The following MRPS31 variants were observed in gnomAD, a reference collection of about 807,000 sequenced individuals.
MRPS31 encodes the protein small ribosomal subunit protein mS31.
In MRPS31, 32 loss-of-function variants were observed where a neutral mutation model predicts 43.1. That is an observed-to-expected ratio of 0.74 (90% CI 0.56 to 1.00). The LOEUF (loss-of-function observed/expected upper bound fraction) is 1.00. MRPS31 is among the 50% of genes least tolerant of loss of function. The pLI, the probability that MRPS31 is intolerant of heterozygous loss-of-function variation, is 0.00. For missense variants in MRPS31, 437 were observed against 466.7 expected (o/e 0.94, Z 0.59); for synonymous variants, 165 against 161.6 (o/e 1.02, Z -0.16).
intron 1 of MRPS31, among the ~76,000 whole-genome samples, chr13:40,767,275 A>G (rs1365501998): frequency 6.6e-6 from 1 of 151,938 alleles, no homozygotes; most frequent in Non-Finnish European, 1.5e-5. Flanking sequence ...CTCCTGCCTC[A>G]ACCTCCCGAG....
chr13:40,739,594 T>C lies in MRPS31; in HGVS notation c.958+9544A>G, dbSNP rs531153058. On this transcript the variant is annotated intron_variant, in intron 6 of 6. Transcript: ENST00000323563. ...TGGTACTGGTACCAAAACAGAGACA[T>C]AGATCAATGGAACAGAACAGAGCCC... Among the ~76,000 whole-genome samples, 201 of 152,112 alleles carry C rather than the reference T, an allele frequency of 1.3e-3. 1 individual carries two copies. The highest frequency in any genetic ancestry group is 4.6e-3 in the African/African-American group (189 of 41,484).
At chr13:40,770,411 G>A (rs1320095723) in intron 1 of MRPS31, among the ~76,000 whole-genome samples, 2 of 152,096 alleles carry the variant, frequency 1.3e-5, no homozygotes, top group African/African-American at 4.8e-5. Context: ...TTCAGATTTC[G>A]TCAGACTTTT....
chr13:40,767,071 A>G, intron 1 of MRPS31, 38 bp from the exon 2 acceptor site: 1 of 1,521,572 alleles, frequency 6.6e-7, no homozygotes, highest in East Asian at 2.3e-5. Context: ...GAAAAATACA[A>G]TGCAGTCTAC....
At chr13:40,751,982 C>A (rs548279458) in intron 5 of MRPS31, among the ~76,000 whole-genome samples, 1 of 151,562 alleles carries the variant, frequency 6.6e-6, no homozygotes, top group East Asian at 1.9e-4. Flanking sequence ...TCTTCAAGTG[C>A]CTCTTTTGGC....
chr13:40,749,354 T>C, intron 5 of MRPS31, 73 bp from the exon 6 acceptor site: 1 of 1,225,214 alleles, frequency 8.2e-7, no homozygotes, highest in Non-Finnish European at 1.1e-6. Flanking sequence ...CAACCAATCC[T>C]GAATTGACCA....
chr13:40,758,886 C>A, intron 3 of MRPS31, 62 bp downstream of exon 3: 1 of 1,415,142 alleles, frequency 7.1e-7, no homozygotes, highest in Non-Finnish European at 9.3e-7. Context: ...ACTCACTAGC[C>A]ATATGAAAAT....
chr13:40,768,922 G>T (rs570737439), intron 1 of MRPS31, among the ~76,000 whole-genome samples: 1 of 152,278 alleles, frequency 6.6e-6, no homozygotes, highest in East Asian at 1.9e-4. Context: ...GTTGCCCACA[G>T]AAGTTAAAGT....
intron 1 of MRPS31, among the ~76,000 whole-genome samples, chr13:40,769,134 T>C (rs943928604): frequency 1.3e-5 from 2 of 151,540 alleles, no homozygotes; most frequent in Admixed American, 6.6e-5. Flanking sequence ...TTCCAGCAGT[T>C]TGGGAGGCGG....
In MRPS31 at chr13:40,759,120, T is replaced by C; in HGVS notation, c.441-14A>G. The stretch of plus-strand genomic sequence containing the variant: ...AGGGGCTCAATTCTGAAAAAGAAAA[T>C]GAAAAACAAATGAGAAAGAAAAAAA... On this transcript the variant is annotated splice_polypyrimidine_tract_variant and intron_variant, in intron 2 of 6. Coordinates refer to ENST00000323563, the MANE Select transcript of MRPS31 (RefSeq NM_005830.4). The C allele has an allele frequency of 1.3e-6, 2 of 1,551,570 alleles. No individual in the cohort carries two copies. The highest frequency in any genetic ancestry group is 1.2e-5 in the South Asian group (1 of 81,572).
intron 2 of MRPS31, among the ~76,000 whole-genome samples, chr13:40,759,995 C>A (rs1880646190): frequency 1.3e-5 from 2 of 151,920 alleles, no homozygotes; most frequent in South Asian, 4.2e-4. Flanking sequence ...ATTAGCCAGG[C>A]ATGGCAGCAC....
intron 2 of MRPS31, among the ~76,000 whole-genome samples, chr13:40,765,912 T>G (rs188576447): frequency 6.6e-6 from 1 of 152,320 alleles, no homozygotes; most frequent in Admixed American, 6.5e-5. Context: ...AATACTCTTT[T>G]GACAAACACA....
intron 6 of MRPS31, among the ~76,000 whole-genome samples, chr13:40,730,812 G>A (rs1292869371): frequency 1.3e-5 from 2 of 151,860 alleles, no homozygotes; most frequent in Admixed American, 6.6e-5. Flanking sequence ...CACCTGCCTC[G>A]GCCTCCCAAA....
At chr13:40,765,902 A>C (rs1044848303) in intron 2 of MRPS31, among the ~76,000 whole-genome samples, 1 of 152,224 alleles carries the variant, frequency 6.6e-6, no homozygotes, top group Non-Finnish European at 1.5e-5. Context: ...AATTAAATAT[A>C]ATACTCTTTT....
At chr13:40,764,019 G>C (rs1356000831) in intron 2 of MRPS31, among the ~76,000 whole-genome samples, 1 of 152,214 alleles carries the variant, frequency 6.6e-6, no homozygotes, top group Non-Finnish European at 1.5e-5. Flanking sequence ...GATGAGTAGA[G>C]AAGACACAAG....
chr13:40,767,157 C>T (rs1228168658), intron 1 of MRPS31, 124 bp from the exon 2 acceptor site: 10 of 777,196 alleles, frequency 1.3e-5, no homozygotes, highest in South Asian at 2.3e-5. Context: ...AAGCCCTTTC[C>T]GTTGCTTTTT....
At chr13:40,746,945 G>C (rs1485013574) in intron 6 of MRPS31, among the ~76,000 whole-genome samples, 2 of 152,150 alleles carry the variant, frequency 1.3e-5, no homozygotes, top group East Asian at 3.9e-4. Context: ...ACATTTTAGA[G>C]ATGAAGGAAG....
chr13:40,737,416 C>T (rs1251985338), intron 6 of MRPS31, among the ~76,000 whole-genome samples: 5 of 152,028 alleles, frequency 3.3e-5, no homozygotes, highest in Non-Finnish European at 7.3e-5. Context: ...TTGAACTCAG[C>T]TCTGCACCAA....
chr13:40,738,866 G>C (rs1879999894), intron 6 of MRPS31, among the ~76,000 whole-genome samples: 1 of 152,252 alleles, frequency 6.6e-6, no homozygotes, highest in African/African-American at 2.4e-5. Context: ...CATTCCCTTT[G>C]AAAACTGGCA....
chr13:40,733,246 C>T (rs138479283), intron 6 of MRPS31, among the ~76,000 whole-genome samples: 16 of 151,932 alleles, frequency 1.1e-4, no homozygotes, highest in African/African-American at 2.7e-4. Flanking sequence ...TCAGGTGATC[C>T]GCCTGCTTCG....
Sources: allele counts gnomAD v4.1 joint callset (sites outside exome capture counted in the v4.1 genomes callset), GRCh38; gene constraint gnomAD v4.1.1; transcripts MANE v1.5; gene names NCBI Gene and HGNC (gene_info 2026-07-23, HGNC 2026-07-21).